The following GRID2 variants were observed in gnomAD, a reference collection of about 807,000 sequenced individuals.
The protein encoded by GRID2 is glutamate receptor ionotropic, delta-2.
In GRID2, 33 loss-of-function variants were observed where a neutral mutation model predicts 114.8. The ratio of observed to expected loss-of-function variants is 0.29; its 90% CI spans 0.22 to 0.38. The LOEUF is 0.38. Ranked by LOEUF, GRID2 falls within the 10% of genes least tolerant of loss-of-function variation. GRID2 has a pLI of 1.00. For synonymous variants in GRID2, 505 were observed against 449.9 expected (o/e 1.12, Z -1.55); for missense variants, 1,184 against 1,257.7 (o/e 0.94, Z 0.89).
chr4:92,884,768 A>G, intron 2 of GRID2: 1 of 300,552 alleles, frequency 3.3e-6, no homozygotes, highest in Non-Finnish European at 6.8e-6. Flanking sequence ...ATTGAGTGGA[A>G]GCTCTTCTCA....
chr4:92,572,356 A>T (rs768615823), intron 1 of GRID2, among the ~76,000 whole-genome samples: 3 of 152,160 alleles, frequency 2.0e-5, no homozygotes, highest in Non-Finnish European at 4.4e-5. Context: ...CTCTCTGAAT[A>T]GACCAATAAC....
intron 8 of GRID2, among the ~76,000 whole-genome samples, chr4:93,363,208 C>A (rs1001160444): frequency 2.0e-5 from 3 of 152,166 alleles, no homozygotes; most frequent in Non-Finnish European, 2.9e-5. Flanking sequence ...CAGAGTGAGA[C>A]CCTGTCTCAA....
intron 2 of GRID2, among the ~76,000 whole-genome samples, chr4:92,610,161 CA>C (rs1729649387): frequency 6.6e-6 from 1 of 151,608 alleles, no homozygotes; most frequent in South Asian, 2.1e-4. Context: ...AACTTAAACA[CA>C]AGCTCTTTGC....
chr4:93,597,478 A>G (rs751551458), intron 13 of GRID2, among the ~76,000 whole-genome samples: 2 of 152,176 alleles, frequency 1.3e-5, no homozygotes, highest in Admixed American at 1.3e-4. Context: ...TATACTTTTT[A>G]GTTTATGTAT....
At chr4:93,728,755 T>C (rs1461260497) in intron 14 of GRID2, among the ~76,000 whole-genome samples, 1 of 152,172 alleles carries the variant, frequency 6.6e-6, no homozygotes, top group Admixed American at 6.5e-5. Context: ...CTTCTTTGTC[T>C]CTTTTGATCT....
At chr4:93,032,448 A>T (rs1039483775) in intron 2 of GRID2, among the ~76,000 whole-genome samples, 12 of 152,288 alleles carry the variant, frequency 7.9e-5, no homozygotes, top group African/African-American at 2.4e-4. Flanking sequence ...AAAATATGAT[A>T]TTGAATTTTT....
intron 2 of GRID2, among the ~76,000 whole-genome samples, chr4:93,010,026 C>T (rs1288723988): frequency 6.6e-6 from 1 of 152,030 alleles, no homozygotes; most frequent in Non-Finnish European, 1.5e-5. Flanking sequence ...TATCAAGGTC[C>T]TGTCAACTAA....
chr4:92,991,256 C>T (rs1194107695), intron 2 of GRID2, among the ~76,000 whole-genome samples: 4 of 152,010 alleles, frequency 2.6e-5, no homozygotes, highest in Non-Finnish European at 5.9e-5. Context: ...CTTGAAGATT[C>T]AATAAAAGGG....
At chr4:93,757,546 G>A (rs879486485) in intron 14 of GRID2, among the ~76,000 whole-genome samples, 12 of 152,190 alleles carry the variant, frequency 7.9e-5, no homozygotes, top group Non-Finnish European at 1.6e-4. Context: ...ACCTTTGCAC[G>A]GTGCCTTCTC....
At chr4:92,985,441 G>T (rs541775664) in intron 2 of GRID2, among the ~76,000 whole-genome samples, 344 of 152,084 alleles carry the variant, frequency 2.3e-3, no homozygotes, top group Admixed American at 4.0e-3. Context: ...GTTTCACCGT[G>T]TTAGCCAGGA....
rs186043502 is a variant in GRID2 at position 92,991,133 on chromosome 4, G to A, written c.245-93862G>A. On this transcript the variant is annotated intron_variant, in intron 2 of 15. Coordinates refer to ENST00000282020, the MANE Select transcript of GRID2 (RefSeq NM_001510.4). ...TGAATTTAAATTACCTGAGATTTAT[G>A]AATATTAAGCATTAACCCAAGTCAC... is the stretch of plus-strand genomic sequence containing the variant. 4.9e-3 allele frequency among the ~76,000 whole-genome samples: 741 copies of A among 152,184 alleles called. 8 individuals carry two copies. Among genetic ancestry groups the A allele is most frequent in the African/African-American group, 0.017 (712 of 41,508 alleles).
chr4:93,326,217 AG>A (rs1560502103), intron 8 of GRID2, among the ~76,000 whole-genome samples: 1 of 152,174 alleles, frequency 6.6e-6, no homozygotes, highest in Non-Finnish European at 1.5e-5. Context: ...AGTGGAAATC[AG>A]GGGGCATGCC....
chr4:92,560,855 C>T (rs1036507940), intron 1 of GRID2, among the ~76,000 whole-genome samples: 11 of 151,922 alleles, frequency 7.2e-5, no homozygotes, highest in Admixed American at 2.6e-4. Flanking sequence ...TACAGGTGCC[C>T]GCCACCATGC....
chr4:93,059,076 CTTAGTAA>C (rs1727536950), intron 2 of GRID2, among the ~76,000 whole-genome samples: 1 of 151,938 alleles, frequency 6.6e-6, no homozygotes, highest in Non-Finnish European at 1.5e-5. Context: ...ACCAGGAGCT[CTTAGTAA>C]TTTGAGCTTG....
At chr4:92,528,275 A>C (rs1209050036) in intron 1 of GRID2, among the ~76,000 whole-genome samples, 1 of 145,448 alleles carries the variant, frequency 6.9e-6, no homozygotes, top group Non-Finnish European at 1.5e-5. Context: ...TTGGGTTATG[A>C]ATATATATAT....
rs913915874 is a variant in GRID2 at position 92,764,398 on chromosome 4, A to T, written c.244+174112A>T. ...AAACAACTGAAGCTCAAGCCCAAGG[A>T]CTTACAATTGGGTCTTTTGAGAGTG... On this transcript the variant is annotated intron_variant, in intron 2 of 15. Transcript: ENST00000282020. Among the ~76,000 whole-genome samples, 9 of 152,318 alleles carry T rather than the reference A, an allele frequency of 5.9e-5. No homozygotes were observed. In the East Asian group the frequency reaches 1.7e-3, roughly 29 times the overall value.
At chr4:92,958,353 G>T (rs906428815) in intron 2 of GRID2, among the ~76,000 whole-genome samples, 4 of 151,994 alleles carry the variant, frequency 2.6e-5, no homozygotes, top group Non-Finnish European at 5.9e-5. Flanking sequence ...ATGAATGACT[G>T]AGAGATTTTA....
chr4:93,082,520 G>T (rs1325414295), intron 2 of GRID2, among the ~76,000 whole-genome samples: 1 of 152,060 alleles, frequency 6.6e-6, no homozygotes, highest in African/African-American at 2.4e-5. Flanking sequence ...AAATGATTTT[G>T]GTACTTTTTC....
At chr4:92,947,274 C>T (rs1307231010) in intron 2 of GRID2, among the ~76,000 whole-genome samples, 7 of 151,862 alleles carry the variant, frequency 4.6e-5, no homozygotes, top group East Asian at 1.9e-4. Flanking sequence ...TGTCAGCATG[C>T]GTGTGTATTG....
Sources: allele counts gnomAD v4.1 joint callset (sites outside exome capture counted in the v4.1 genomes callset), GRCh38; gene constraint gnomAD v4.1.1; transcripts MANE v1.5; gene names NCBI Gene and HGNC (gene_info 2026-07-23, HGNC 2026-07-21).